The following PHIP variants were observed in gnomAD, a reference collection of about 807,000 sequenced individuals.
PHIP encodes PH-interacting protein.
A neutral mutation model predicts 236.8 loss-of-function variants in PHIP; 54 were observed. The ratio of observed to expected loss-of-function variants is 0.23; its 90% CI spans 0.18 to 0.29. PHIP has a LOEUF of 0.29. Among genes scored for constraint, PHIP ranks in the 10% least tolerant of loss-of-function variants. PHIP has a pLI of 1.00. For missense variants in PHIP, 1,370 were observed against 2,190.8 expected, an observed-to-expected ratio of 0.63 and a Z score of 7.48; for synonymous variants, 756 against 718.9, an observed-to-expected ratio of 1.05 and a Z score of -0.83.
In PHIP at chr6:78,946,738, C is replaced by T; in HGVS notation, c.4343G>A (p.Ser1448Asn). 1 of 1,585,636 alleles carries T rather than the reference C, an allele frequency of 6.3e-7. No homozygotes were observed. The highest frequency in any genetic ancestry group is 8.5e-7 in the Non-Finnish European group (1 of 1,170,466). Residue 1448 changes from serine to asparagine, a missense_variant, in exon 37 of 40, where the codon AGC (serine) becomes AAC (asparagine). Ser to Asn is a conservative substitution (Grantham distance 46). This residue lies in a region of PHIP where 125 missense variants were observed against 235.1 expected (regional missense o/e 0.53). Transcript: ENST00000275034. ...TGATGCAGCACTACTGGAAACAGAG[C>T]TGCTTCTGTTTCTTTTCTTCCTCCT... ...TKRRKKRNRS[S>N]SVSSSAASSP...
Position 78,970,824 on chromosome 6 carries a change from C to G in PHIP, c.2954G>C (p.Ser985Thr). ...CCATGGTTGTTTTTTGGGATTGATACTATATATTTTATTTTTCCGGGCCAT... is the reference window on the plus strand; with the variant it reads ...CCATGGTTGTTTTTTGGGATTGATAGTATATATTTTATTTTTCCGGGCCAT... Reference protein sequence around the residue: ...VEMARKNKIYSINPKKQPWHK... With the variant: ...VEMARKNKIYTINPKKQPWHK... The change falls in exon 25 of 40, where the codon AGT becomes ACT. Residue 985 changes from serine (S) to threonine (T), a missense_variant. Physicochemically the swap from Ser to Thr is moderately conservative, Grantham distance 58. Around this residue, in one of 14 missense-constraint regions of PHIP, gnomAD observed 238 missense variants for 398.5 expected, o/e 0.60. Coordinates refer to ENST00000275034, the MANE Select transcript of PHIP (RefSeq NM_017934.7). The G allele has an allele frequency of 6.2e-7, 1 of 1,611,682 alleles. No individual in the cohort carries two copies. Among genetic ancestry groups the G allele is most frequent in the Non-Finnish European group, 8.5e-7 (1 of 1,178,948 alleles).
Position 79,029,698 on chromosome 6 carries a change from T to C in PHIP, c.601-3534A>G, listed in dbSNP as rs557261681. Among the ~76,000 whole-genome samples the C allele has an allele frequency of 7.9e-5, 12 of 152,228 alleles. No individual in the cohort carries two copies. The East Asian group carries it at 2.3e-3, about 29-fold the overall frequency. On this transcript the variant is annotated intron_variant, in intron 7 of 39. Coordinates refer to ENST00000275034, the MANE Select transcript of PHIP (RefSeq NM_017934.7). ...ATGTGCACCACTACACCCAGTTAAT[T>C]TCTGTATCTTTACTAGAGATGGGGT...
intron 10 of PHIP, among the ~76,000 whole-genome samples, chr6:79,018,029 T>G (rs1403969864): frequency 6.6e-6 from 1 of 151,928 alleles, no homozygotes; most frequent in Non-Finnish European, 1.5e-5. Flanking sequence ...TCTTCAGAAC[T>G]CCCCTAAGAC....
chr6:78,945,229 G>T, intron 39 of PHIP, 71 bp downstream of exon 39: 1 of 1,153,670 alleles, frequency 8.7e-7, no homozygotes, highest in Non-Finnish European at 1.3e-6. Flanking sequence ...GGATATAAAT[G>T]CTGATTCCAA....
intron 19 of PHIP, among the ~76,000 whole-genome samples, chr6:78,992,797 T>C (rs1204727632): frequency 6.6e-6 from 1 of 152,176 alleles, no homozygotes; most frequent in Admixed American, 6.5e-5. Flanking sequence ...CAGGCCTCAC[T>C]ATTCCCTGAG....
At chr6:78,978,210 T>C (rs975690668) in intron 24 of PHIP, among the ~76,000 whole-genome samples, 5 of 152,106 alleles carry the variant, frequency 3.3e-5, no homozygotes, top group Admixed American at 1.3e-4. Context: ...CTAACACTTT[T>C]TGAAATAAAA....
At position 78,990,476 on chromosome 6, in the gene PHIP, G is replaced by A. The variant is rs997605635; in HGVS notation, c.2319+392C>T. On this transcript the variant is annotated intron_variant, in intron 20 of 39. Coordinates refer to ENST00000275034, the MANE Select transcript of PHIP (RefSeq NM_017934.7). The stretch of plus-strand genomic sequence containing the variant: ...AGAAATATTATCTATAGCAGCATTA[G>A]CTGACTTGATTATCTAGAATAATGA... Among the ~76,000 whole-genome samples, 29 of 152,060 alleles carry A rather than the reference G, an allele frequency of 1.9e-4. 1 individual carries two copies. Among genetic ancestry groups the A allele is most frequent in the Non-Finnish European group, 4.1e-4 (28 of 68,000 alleles).
intron 7 of PHIP, among the ~76,000 whole-genome samples, chr6:79,031,250 T>C (rs926276039): frequency 6.6e-6 from 1 of 152,218 alleles, no homozygotes; most frequent in African/African-American, 2.4e-5. Flanking sequence ...AGCCTCATTT[T>C]TCAATAATGT....
At chr6:79,014,133 C>T (rs1770724187) in intron 15 of PHIP, among the ~76,000 whole-genome samples, 1 of 149,860 alleles carries the variant, frequency 6.7e-6, no homozygotes, top group African/African-American at 2.5e-5. Context: ...AAGCTATTTC[C>T]CTCACTAAAA....
At chr6:79,043,036 C>A (rs1160100742) in intron 6 of PHIP, 33 bp from the exon 7 acceptor site, 3 of 1,553,896 alleles carry the variant, frequency 1.9e-6, no homozygotes, top group Non-Finnish European at 2.6e-6. Flanking sequence ...TAAATGTAAT[C>A]TGGAAATTAA....
chr6:79,040,276 G>C (rs946349766), intron 7 of PHIP, among the ~76,000 whole-genome samples: 1 of 152,054 alleles, frequency 6.6e-6, no homozygotes, highest in African/African-American at 2.4e-5. Flanking sequence ...TAGTAGAAGT[G>C]GTAAAGCTGT....
In PHIP at chr6:78,978,700, C is replaced by G; in HGVS notation, c.2781G>C (p.Val927=). 1 of 1,596,846 alleles carries G rather than the reference C, an allele frequency of 6.3e-7. No individual in the cohort carries two copies. The highest frequency in any genetic ancestry group is 8.6e-7 in the Non-Finnish European group (1 of 1,168,014). Residue 927 remains valine, a synonymous_variant, in exon 24 of 40, where the codon GTG becomes GTC. Coordinates refer to ENST00000275034, the MANE Select transcript of PHIP (RefSeq NM_017934.7). ...PKERKQKRLA[V]GELTENGLTL... ...TCAAACCATTTTCAGTTAGTTCTCC[C>G]ACAGCCAATCTCTGACAAAATTTAA...
Position 78,941,369 on chromosome 6 carries a change from C to A in PHIP, c.4829-39G>T, listed in dbSNP as rs375380711. ...ACAGTACACTTAATATATGGAGTTT[C>A]TTTTTTTGTTTGACTCTCAAACTTG... On this transcript the variant is annotated intron_variant, in intron 39 of 39. Transcript: ENST00000275034. 4 of 1,513,966 alleles carry A rather than the reference C, an allele frequency of 2.6e-6. No homozygotes were observed. In the African/African-American group the frequency reaches 5.6e-5, roughly 21 times the overall value. The allele number at this position is 1,513,966 out of a possible 1,614,324, so 93.8% of individuals were successfully genotyped here.
chr6:79,070,781 C>G (rs1293658325), intron 4 of PHIP, among the ~76,000 whole-genome samples: 1 of 152,196 alleles, frequency 6.6e-6, no homozygotes, highest in Non-Finnish European at 1.5e-5. Flanking sequence ...TTTAAATCAT[C>G]TCTAGATTAC....
chr6:78,950,249 T>C (rs1334705164), intron 35 of PHIP, among the ~76,000 whole-genome samples: 1 of 152,240 alleles, frequency 6.6e-6, no homozygotes. Flanking sequence ...GGTCATGGTA[T>C]AAAATCATTT....
intron 6 of PHIP, among the ~76,000 whole-genome samples, chr6:79,048,798 T>G (rs914204934): frequency 1.3e-5 from 2 of 152,192 alleles, no homozygotes; most frequent in African/African-American, 2.4e-5. Flanking sequence ...TTACAACTTC[T>G]GCCAACTCAT....
intron 23 of PHIP, among the ~76,000 whole-genome samples, chr6:78,982,512 A>C (rs1768603474): frequency 6.6e-6 from 1 of 152,070 alleles, no homozygotes; most frequent in Non-Finnish European, 1.5e-5. Context: ...ATTTTCAGCA[A>C]TAACAATTAA....
At chr6:78,971,555 C>A (rs1227773195) in intron 24 of PHIP, among the ~76,000 whole-genome samples, 3 of 152,180 alleles carry the variant, frequency 2.0e-5, no homozygotes, top group Non-Finnish European at 4.4e-5. Context: ...CAGCTCCGGT[C>A]TACAGCTCCC....
At chr6:79,025,730 G>T in intron 8 of PHIP, 111 bp from the exon 9 acceptor site, 1 of 765,536 alleles carries the variant, frequency 1.3e-6, no homozygotes, top group South Asian at 1.6e-5. Context: ...AAAATGGCAA[G>T]AATTTACCAA....
Sources: allele counts gnomAD v4.1 joint callset (sites outside exome capture counted in the v4.1 genomes callset), GRCh38; gene constraint gnomAD v4.1.1; regional missense constraint gnomAD v4.1.1; transcripts MANE v1.5; gene names NCBI Gene and HGNC (gene_info 2026-07-23, HGNC 2026-07-21).